The following TASP1 variants were observed in gnomAD, a reference collection of about 807,000 sequenced individuals.
TASP1 encodes taspase 1, also known as threonine aspartase 1.
TASP1 carries 16 observed loss-of-function variants against 56.6 expected under a neutral mutation model. That is an observed-to-expected ratio of 0.28 (90% CI 0.19 to 0.43). The LOEUF (loss-of-function observed/expected upper bound fraction) is 0.43. TASP1 is among the 20% of genes least tolerant of loss of function. The probability of loss-of-function intolerance (pLI) is 1.00; values close to 1 mark genes in which losing one functional copy is unlikely to be tolerated. For missense variants in TASP1, 393 were observed against 511.6 expected, an observed-to-expected ratio of 0.77 and a Z score of 2.24; for synonymous variants, 179 against 184.2, an observed-to-expected ratio of 0.97 and a Z score of 0.23.
At chr20:13,405,517 C>T (rs780939111) in intron 13 of TASP1, among the ~76,000 whole-genome samples, 7 of 152,160 alleles carry the variant, frequency 4.6e-5, no homozygotes, top group African/African-American at 7.2e-5. Context: ...TGGCCCTCCA[C>T]ATTGAATAAA....
the TASP1 span, chr20:13,165,868 A>G: frequency 6.6e-5 from 10 of 152,236 alleles, no homozygotes; most frequent in South Asian, 1.9e-3. Context: ...GTTTAGGCCT[A>G]TTAAATTGTA....
At chr20:13,534,810 T>C (rs1463505841) in intron 8 of TASP1, among the ~76,000 whole-genome samples, 1 of 152,162 alleles carries the variant, frequency 6.6e-6, no homozygotes, top group Admixed American at 6.6e-5. Flanking sequence ...CACATAGTGA[T>C]ATTTACTGAC....
intron 13 of TASP1, among the ~76,000 whole-genome samples, chr20:13,391,693 C>T (rs948736150): frequency 2.0e-5 from 3 of 152,094 alleles, no homozygotes; most frequent in African/African-American, 7.2e-5. Context: ...TTAGGCCGGG[C>T]GTGGTGGCTC....
At chr20:13,588,289 G>GA (rs1491425318) in intron 4 of TASP1, among the ~76,000 whole-genome samples, 1,502 of 134,770 alleles carry the variant, frequency 0.011, 10 homozygotes, top group Middle Eastern at 0.052. Flanking sequence ...AAGGAAGGAA[G>GA]GAAGGAAGGA....
the TASP1 span, among the ~76,000 whole-genome samples, chr20:13,118,392 C>T: frequency 2.0e-4 from 27 of 134,146 alleles, 1 homozygote; most frequent in East Asian, 5.3e-3. Flanking sequence ...TGGGATTAGA[C>T]TGTTAAGTGA....
At chr20:13,402,369 T>C (rs1370905444) in intron 13 of TASP1, among the ~76,000 whole-genome samples, 1 of 152,226 alleles carries the variant, frequency 6.6e-6, no homozygotes, top group African/African-American at 2.4e-5. Flanking sequence ...GCAAATGACT[T>C]TCTAAATAGA....
chr20:13,623,047 T>A (rs2048771135), intron 4 of TASP1, among the ~76,000 whole-genome samples: 1 of 152,140 alleles, frequency 6.6e-6, no homozygotes, highest in Non-Finnish European at 1.5e-5. Flanking sequence ...TATCTAACTG[T>A]TAGGTTCGTG....
At position 13,499,018 on chromosome 20, in the gene TASP1, T is replaced by C. The variant is rs572076243; in HGVS notation, c.875-15681A>G. 2.6e-5 allele frequency among the ~76,000 whole-genome samples: 4 copies of C among 152,304 alleles called. No individual in the cohort carries two copies. In the South Asian group the frequency reaches 8.3e-4, roughly 32 times the overall value. Reference sequence around the variant, plus strand: ...TACAAAAAAGGCACATGCACTCATATGTTCATCACAGGACTATTCACAATA... The same window carrying C: ...TACAAAAAAGGCACATGCACTCATACGTTCATCACAGGACTATTCACAATA... On this transcript the variant is annotated intron_variant, in intron 10 of 13. Coordinates refer to ENST00000337743, the MANE Select transcript of TASP1 (RefSeq NM_017714.3).
the TASP1 span, among the ~76,000 whole-genome samples, chr20:13,175,981 A>G: frequency 7.0e-3 from 1,061 of 152,332 alleles, 16 homozygotes; most frequent in African/African-American, 0.024. Context: ...AAAAGATGAG[A>G]CTGGTTTGGA....
At chr20:13,473,209 C>A (rs554277110) in intron 11 of TASP1, among the ~76,000 whole-genome samples, 31 of 152,146 alleles carry the variant, frequency 2.0e-4, no homozygotes, top group Non-Finnish European at 3.2e-4. Flanking sequence ...AAGCTGGAAA[C>A]CATCATTCTC....
chr20:13,174,516 G>A, the TASP1 span, among the ~76,000 whole-genome samples: 1 of 151,966 alleles, frequency 6.6e-6, no homozygotes, highest in Admixed American at 6.6e-5. Flanking sequence ...TGGGCAACGT[G>A]GTAAAACCCC....
chr20:13,370,823 G>C, the TASP1 span, among the ~76,000 whole-genome samples: 1 of 152,068 alleles, frequency 6.6e-6, no homozygotes, highest in Non-Finnish European at 1.5e-5. Context: ...GAGATTTTTT[G>C]ATTACTACTT....
chr20:13,367,788 G>T, the TASP1 span, among the ~76,000 whole-genome samples: 1 of 152,172 alleles, frequency 6.6e-6, no homozygotes, highest in Non-Finnish European at 1.5e-5. Context: ...TAAAGCCCAA[G>T]TTAGAATGCT....
chr20:13,540,481 G>A (rs1568561051), intron 8 of TASP1, among the ~76,000 whole-genome samples: 1 of 152,056 alleles, frequency 6.6e-6, no homozygotes, highest in Non-Finnish European at 1.5e-5. Context: ...CAAAACCTGG[G>A]AACAATCCAA....
chr20:13,537,923 A>C (rs779235468), intron 8 of TASP1, among the ~76,000 whole-genome samples: 17 of 152,290 alleles, frequency 1.1e-4, no homozygotes, highest in Non-Finnish European at 1.6e-4. Context: ...CTTCATACAA[A>C]GTTAAGGCAC....
the TASP1 span, among the ~76,000 whole-genome samples, chr20:13,130,800 G>A: frequency 1.3e-5 from 2 of 152,220 alleles, no homozygotes; most frequent in Non-Finnish European, 2.9e-5. Context: ...AGCCCCTTAA[G>A]GGCAAGAAAT....
intron 13 of TASP1, among the ~76,000 whole-genome samples, chr20:13,412,918 C>G (rs1479905992): frequency 6.6e-6 from 1 of 152,098 alleles, no homozygotes; most frequent in African/African-American, 2.4e-5. Context: ...TCGTTCTTAT[C>G]ATATCATATC....
Position 13,395,860 on chromosome 20 carries a change from C to A in TASP1, c.1171-5408G>T, listed in dbSNP as rs1184321857. Among the ~76,000 whole-genome samples the A allele has an allele frequency of 2.6e-5, 4 of 151,920 alleles. No homozygotes were observed. The East Asian group carries it at 7.7e-4, about 29-fold the overall frequency. On this transcript the variant is annotated intron_variant, in intron 13 of 13. Coordinates refer to ENST00000337743, the MANE Select transcript of TASP1 (RefSeq NM_017714.3). ...GGGACTATAGGCGCGTGCCACTACACCTGGCTAATTTTTTTTTTTTTTAGT... is the reference window on the plus strand; with the variant it reads ...GGGACTATAGGCGCGTGCCACTACAACTGGCTAATTTTTTTTTTTTTTAGT...
At chr20:13,483,399 A>G (rs1600951694) in intron 10 of TASP1, 62 bp from the exon 11 acceptor site, 1 of 1,155,034 alleles carries the variant, frequency 8.7e-7, no homozygotes, top group Non-Finnish European at 1.2e-6. Context: ...GCTTATTTCA[A>G]TAGCATTAGA....
Sources: allele counts gnomAD v4.1 joint callset (sites outside exome capture counted in the v4.1 genomes callset), GRCh38; gene constraint gnomAD v4.1.1; transcripts MANE v1.5; gene names NCBI Gene and HGNC (gene_info 2026-07-23, HGNC 2026-07-21).